MTA3: variants seen among roughly 807,000 people sequenced by gnomAD.
The protein encoded by MTA3 is metastasis associated 1 family member 3.
Under a neutral mutation model 83.5 loss-of-function variants are expected in MTA3, and 34 were observed. The observed-to-expected ratio is 0.41, with a 90% CI of 0.31 to 0.54. MTA3 has a LOEUF of 0.54. Among genes scored for constraint, MTA3 ranks in the 20% least tolerant of loss-of-function variants. The pLI, the probability that MTA3 is intolerant of heterozygous loss-of-function variation, is 0.33. For synonymous variants in MTA3, 303 were observed against 252.7 expected (o/e 1.20, Z -1.89); for missense variants, 761 against 726.4 (o/e 1.05, Z -0.55).
intron 2 of MTA3, among the ~76,000 whole-genome samples, chr2:42,573,717 G>A (rs1357620802): frequency 6.6e-6 from 1 of 151,840 alleles, no homozygotes; most frequent in Non-Finnish European, 1.5e-5. Flanking sequence ...CACCATGTTG[G>A]CCAGGCTGGT....
At chr2:42,749,241 C>T (rs745881257) in intron 16 of MTA3, among the ~76,000 whole-genome samples, 7 of 152,226 alleles carry the variant, frequency 4.6e-5, no homozygotes, top group Non-Finnish European at 1.0e-4. Flanking sequence ...GCCTCAAGCT[C>T]TGACCTCTGG....
chr2:42,744,420 T>G (rs1425867533), intron 16 of MTA3, among the ~76,000 whole-genome samples: 2 of 152,158 alleles, frequency 1.3e-5, no homozygotes, highest in Non-Finnish European at 2.9e-5. Flanking sequence ...TGAGACCCTC[T>G]CAGCAGTATG....
chr2:42,722,545 G>C (rs1019411404), intron 15 of MTA3, among the ~76,000 whole-genome samples: 58 of 152,258 alleles, frequency 3.8e-4, no homozygotes, highest in African/African-American at 1.4e-3. Flanking sequence ...TACCTCTCCA[G>C]ATAGCCTTTT....
intron 2 of MTA3, among the ~76,000 whole-genome samples, chr2:42,545,671 G>A (rs1220250915): frequency 6.6e-6 from 1 of 152,188 alleles, no homozygotes; most frequent in Non-Finnish European, 1.5e-5. Flanking sequence ...CCTGGCACAT[G>A]GCAGGTTTTC....
chr2:42,594,728 A>ATATATATATATATATATATTTT, intron 3 of MTA3, among the ~76,000 whole-genome samples: 21 of 24,042 alleles, frequency 8.7e-4, no homozygotes, highest in Admixed American at 1.8e-3. Context: ...ATATATATAT[A>ATATATATATATATATATATTTT]TTTTTTTTTT....
At chr2:42,657,427 G>C (rs1005745186) in intron 7 of MTA3, among the ~76,000 whole-genome samples, 4 of 152,168 alleles carry the variant, frequency 2.6e-5, no homozygotes, top group Admixed American at 1.3e-4. Context: ...GCCCCTTGTT[G>C]AGTACAGAAT....
intron 4 of MTA3, among the ~76,000 whole-genome samples, chr2:42,627,200 C>G: frequency 6.6e-6 from 1 of 152,148 alleles, no homozygotes; most frequent in East Asian, 1.9e-4. Context: ...ACCTCAGCCT[C>G]CTGAGTAGCT....
intron 6 of MTA3, among the ~76,000 whole-genome samples, chr2:42,645,292 C>T (rs1688074755): frequency 6.6e-6 from 1 of 151,820 alleles, no homozygotes. Flanking sequence ...TGAGGGGCCG[C>T]AGCAGGTGGA....
intron 6 of MTA3, among the ~76,000 whole-genome samples, chr2:42,647,037 T>G (rs1688262551): frequency 6.7e-6 from 1 of 149,250 alleles, no homozygotes; most frequent in Admixed American, 6.7e-5. Flanking sequence ...GCGCCTATAG[T>G]CCCAGCTACT....
chr2:42,506,988 G>A (rs1287637956), intron 2 of MTA3, among the ~76,000 whole-genome samples: 7 of 152,084 alleles, frequency 4.6e-5, no homozygotes, highest in South Asian at 4.1e-4. Flanking sequence ...CTGTTACCTC[G>A]AACTCCTAGG....
At chr2:42,675,124 T>C (rs913249794) in intron 8 of MTA3, among the ~76,000 whole-genome samples, 8 of 151,914 alleles carry the variant, frequency 5.3e-5, no homozygotes, top group African/African-American at 1.9e-4. Flanking sequence ...TCAAAATTCC[T>C]TTTCTATTTC....
At chr2:42,534,259 T>C (rs1233920429) in intron 2 of MTA3, among the ~76,000 whole-genome samples, 3 of 152,130 alleles carry the variant, frequency 2.0e-5, no homozygotes, top group African/African-American at 4.8e-5. Flanking sequence ...TCCAATACAC[T>C]TCAGTGCCCA....
At chr2:42,541,305 A>G (rs1676508464) in intron 2 of MTA3, among the ~76,000 whole-genome samples, 1 of 152,220 alleles carries the variant, frequency 6.6e-6, no homozygotes, top group Non-Finnish European at 1.5e-5. Context: ...TGCTGGGATT[A>G]CAGGCGTGAG....
At chr2:42,701,438 AAGT>A (rs1009352658) in intron 11 of MTA3, among the ~76,000 whole-genome samples, 8 of 141,606 alleles carry the variant, frequency 5.6e-5, no homozygotes, top group African/African-American at 1.9e-4. Flanking sequence ...AAAAAAAAAA[AAGT>A]AAATAAAGAG....
chr2:42,674,435 C>CT (rs2104416203), intron 8 of MTA3, among the ~76,000 whole-genome samples: 2 of 152,330 alleles, frequency 1.3e-5, no homozygotes, highest in East Asian at 3.9e-4. Context: ...AACACCTTCA[C>CT]TGCTTTTTGG....
chr2:42,594,962 C>G (rs1247272647), intron 3 of MTA3, among the ~76,000 whole-genome samples: 1 of 147,770 alleles, frequency 6.8e-6, no homozygotes, highest in African/African-American at 2.5e-5. Context: ...ACCGTGTTAA[C>G]CAGGATGGTC....
intron 4 of MTA3, among the ~76,000 whole-genome samples, chr2:42,624,841 A>G (rs557686592): frequency 3.9e-5 from 6 of 152,292 alleles, no homozygotes; most frequent in Non-Finnish European, 7.4e-5. Flanking sequence ...CCCCATTGTC[A>G]TCAGACATCC....
At chr2:42,515,247 CAG>C (rs1675091097) in intron 2 of MTA3, among the ~76,000 whole-genome samples, 1 of 151,728 alleles carries the variant, frequency 6.6e-6, no homozygotes. Context: ...TTAGTAGAGA[CAG>C]GGTTTCACCC....
rs915989361 is a variant in MTA3, at chr2:42,621,924, G to T, written c.317+12340G>T. On this transcript the variant is annotated intron_variant, in intron 4 of 16. Coordinates refer to ENST00000405094, the MANE Select transcript of MTA3 (RefSeq NM_001330442.2). ...GAGGCGCTCCTCACTTCTCAGACTG[G>T]GCAGCCGGGCAGAGGGGCTCCTCAC... is the stretch of plus-strand genomic sequence containing the variant. Among the ~76,000 whole-genome samples, 63 of 151,364 alleles carry T rather than the reference G, an allele frequency of 4.2e-4. 1 individual carries two copies. Among genetic ancestry groups the T allele is most frequent in the Admixed American group, 3.5e-3 (53 of 15,196 alleles).
Sources: allele counts gnomAD v4.1 joint callset (sites outside exome capture counted in the v4.1 genomes callset), GRCh38; gene constraint gnomAD v4.1.1; transcripts MANE v1.5; gene names NCBI Gene and HGNC (gene_info 2026-07-23, HGNC 2026-07-21).